SOS2: variants seen among roughly 807,000 people sequenced by gnomAD.
SOS2 encodes the protein son of sevenless homolog 2.
SOS2 carries 65 observed loss-of-function variants against 148.2 expected under a neutral mutation model. The observed-to-expected ratio is 0.44, with a 90% CI of 0.36 to 0.54. The LOEUF is 0.54. Ranked by LOEUF, SOS2 falls within the 20% of genes least tolerant of loss-of-function variation. SOS2 has a pLI of 0.00. For missense variants in SOS2, 1,341 were observed against 1,590.2 expected (o/e 0.84, Z 2.67); for synonymous variants, 539 against 537.1 (o/e 1.00, Z -0.05).
In SOS2 at chr14:50,172,419, C is replaced by CTTTTTTTTTTTTTTTTTTTTTTTTTT. The variant is rs768766517; in HGVS notation, c.1068+2034_1068+2035insAAAAAAAAAAAAAAAAAAAAAAAAAA. Reference sequence around the variant, plus strand: ...ATGGGTAGTTTCTCTTTATTCATTCCTTTTTTTTTTTTTTCTGAGATGGAG... The same window carrying CTTTTTTTTTTTTTTTTTTTTTTTTTT: ...ATGGGTAGTTTCTCTTTATTCATTCCTTTTTTTTTTTTTTTTTTTTTTTTTTTTTTTTTTTTTTTTCTGAGATGGAG... On this transcript the variant is annotated intron_variant, in intron 8 of 22. Coordinates refer to ENST00000216373, the MANE Select transcript of SOS2 (RefSeq NM_006939.4). Among the ~76,000 whole-genome samples, 29 of 82,766 alleles carry CTTTTTTTTTTTTTTTTTTTTTTTTTT rather than the reference C, an allele frequency of 3.5e-4. 5 individuals are homozygous for CTTTTTTTTTTTTTTTTTTTTTTTTTT. Among genetic ancestry groups the CTTTTTTTTTTTTTTTTTTTTTTTTTT allele is most frequent in the East Asian group, 1.3e-3 (3 of 2,224 alleles). The allele number at this position is 82,766 out of a possible 152,430, so 54.3% of individuals were successfully genotyped here.
intron 7 of SOS2, among the ~76,000 whole-genome samples, chr14:50,176,891 TC>T (rs1885538211): frequency 6.6e-6 from 1 of 152,110 alleles, no homozygotes; most frequent in Non-Finnish European, 1.5e-5. Context: ...GCGCCTGTAG[TC>T]CCAGCTACTT....
Position 50,226,996 on chromosome 14 carries a change from G to C in SOS2, c.87+4201C>G, listed in dbSNP as rs575445531. ...ATGATCTTGGGGAGCAGTGGTGAAG[G>C]CAATTATGTTCTAGGCTCTTTTAGG... On this transcript the variant is annotated intron_variant, in intron 1 of 22. Transcript: ENST00000216373. Among the ~76,000 whole-genome samples, 9 of 152,236 alleles carry C rather than the reference G, an allele frequency of 5.9e-5. No homozygotes were observed. In the South Asian group the frequency reaches 1.9e-3, roughly 32 times the overall value.
intron 1 of SOS2, among the ~76,000 whole-genome samples, chr14:50,224,897 AAG>A (rs1566488247): frequency 6.6e-6 from 1 of 150,776 alleles, no homozygotes; most frequent in Admixed American, 6.6e-5. Context: ...AAAAAAAAAA[AAG>A]AGAGAGAGAG....
At chr14:50,145,381 T>C in intron 15 of SOS2, 49 bp from the exon 16 acceptor site, 1 of 1,565,924 alleles carries the variant, frequency 6.4e-7, no homozygotes, top group South Asian at 1.2e-5. Context: ...TCACCTCACT[T>C]AGAAAACAAG....
chr14:50,150,083 T>C lies in SOS2; in HGVS notation c.2309A>G (p.Glu770Gly). The C allele has an allele frequency of 6.2e-7, 1 of 1,614,092 alleles. No individual in the cohort carries two copies. The change falls in exon 14 of 23, where the codon GAA becomes GGA. Residue 770 changes from glutamate to glycine, a missense_variant. Around this residue, in one of 4 missense-constraint regions of SOS2, gnomAD observed 408 missense variants for 506.6 expected, o/e 0.81. Coordinates refer to ENST00000216373, the MANE Select transcript of SOS2 (RefSeq NM_006939.4). ...EWHISKPGQF[E>G]TFDLMTLHPI... ...ATGAAGTGTCATGAGATCAAATGTT[T>C]CAAACTGTCCTGGTTTGCTGATATG...
chr14:50,212,637 A>G (rs1566482671), intron 1 of SOS2, among the ~76,000 whole-genome samples: 2 of 152,240 alleles, frequency 1.3e-5, no homozygotes, highest in African/African-American at 4.8e-5. Flanking sequence ...TATATGTTAC[A>G]CTTCACCATA....
intron 3 of SOS2, among the ~76,000 whole-genome samples, chr14:50,200,612 C>CA (rs11454106): frequency 0.91 from 137,981 of 151,718 alleles, 62,963 homozygotes; most frequent in African/African-American, 0.98. Flanking sequence ...TTTGGGAGGC[C>CA]AAGTAGGTGG....
Position 50,159,989 on chromosome 14 carries a change from C to T in SOS2, c.1294G>A (p.Gly432Ser). ...TTACAACACTGTCCAATATCTTTGC[C>T]TTCCCATCCATCGATATTTTTCTGA... ...EIQKNIDGWEGKDIGQCCNEF... is the reference protein window; with the variant it reads ...EIQKNIDGWESKDIGQCCNEF... The change falls in exon 10 of 23, where the codon GGC (glycine) becomes AGC (serine). Residue 432 changes from glycine (G) to serine (S), a missense_variant. Coordinates refer to ENST00000216373, the MANE Select transcript of SOS2 (RefSeq NM_006939.4). 1 of 1,614,036 alleles carries T rather than the reference C, an allele frequency of 6.2e-7. No homozygotes were observed. Among genetic ancestry groups the T allele is most frequent in the Non-Finnish European group, 8.5e-7 (1 of 1,179,944 alleles).
intron 4 of SOS2, among the ~76,000 whole-genome samples, chr14:50,195,443 A>C (rs1886283532): frequency 6.6e-6 from 1 of 152,132 alleles, no homozygotes; most frequent in African/African-American, 2.4e-5. Flanking sequence ...AAAATGCTTC[A>C]AATAAAGGAA....
intron 1 of SOS2, among the ~76,000 whole-genome samples, chr14:50,218,525 C>CAA (rs545458755): frequency 7.0e-6 from 1 of 143,822 alleles, no homozygotes. Context: ...TCCATCCCCC[C>CAA]AAAAAAAAAC....
chr14:50,215,726 A>T (rs569429975), intron 1 of SOS2, among the ~76,000 whole-genome samples: 45 of 91,872 alleles, frequency 4.9e-4, no homozygotes, highest in Admixed American at 2.6e-3. Flanking sequence ...AAAGTATAAT[A>T]AAAAAAAACA....
At chr14:50,188,414 A>G in intron 5 of SOS2, 83 bp downstream of exon 5, 2 of 958,624 alleles carry the variant, frequency 2.1e-6, no homozygotes, top group South Asian at 2.9e-5. Context: ...TCTCAAAAAA[A>G]TAAAAAAAAG....
chr14:50,231,012 C>CAAAA, intron 1 of SOS2, 185 bp downstream of exon 1: 1 of 529,576 alleles, frequency 1.9e-6, no homozygotes, highest in Non-Finnish European at 2.7e-6. Context: ...CGGGACCAGG[C>CAAAA]AAAAAAAAAA....
At chr14:50,231,124 G>A (rs1887530522) in intron 1 of SOS2, 73 bp downstream of exon 1, 3 of 945,810 alleles carry the variant, frequency 3.2e-6, no homozygotes, top group Admixed American at 3.3e-5. Context: ...CCTGTGGGAG[G>A]GACGACCTGC....
chr14:50,215,581 T>C (rs1887019634), intron 1 of SOS2: 1 of 749,624 alleles, frequency 1.3e-6, no homozygotes, highest in Non-Finnish European at 1.8e-6. Context: ...AGTTACACCA[T>C]ATTTTCAAAT....
chr14:50,180,932 T>C (rs1885714404), intron 6 of SOS2, among the ~76,000 whole-genome samples: 1 of 151,836 alleles, frequency 6.6e-6, no homozygotes, highest in Non-Finnish European at 1.5e-5. Flanking sequence ...ATGGGATATC[T>C]GCAGAACCGA....
intron 6 of SOS2, 115 bp from the exon 7 acceptor site, chr14:50,180,797 T>C (rs1312232137): frequency 2.6e-5 from 15 of 582,164 alleles, no homozygotes; most frequent in Non-Finnish European, 4.5e-5. Flanking sequence ...GAGCTATGAT[T>C]GTGCCACTAT....
intron 19 of SOS2, among the ~76,000 whole-genome samples, chr14:50,131,843 C>T (rs1264485601): frequency 1.3e-5 from 2 of 152,160 alleles, no homozygotes; most frequent in African/African-American, 4.8e-5. Context: ...GGCAGATCAT[C>T]AACATCAATT....
At position 50,231,458 on chromosome 14, in the gene SOS2, C is replaced by A; in HGVS notation, c.-175G>T. Reference sequence around the variant, plus strand: ...GGCGGGCTGGCGGAGACCCCGGGGTCGGCTTCCTCCGCCGAGGCGGCCCTC... The same window carrying A: ...GGCGGGCTGGCGGAGACCCCGGGGTAGGCTTCCTCCGCCGAGGCGGCCCTC... On this transcript the variant is annotated 5_prime_UTR_variant, in exon 1 of 23. Coordinates refer to ENST00000216373, the MANE Select transcript of SOS2 (RefSeq NM_006939.4). 6.6e-6 allele frequency: 1 copy of A among 151,238 alleles called. No individual in the cohort carries two copies. Among genetic ancestry groups the A allele is most frequent in the South Asian group, 2.1e-4 (1 of 4,878 alleles). The allele number at this position is 151,238 out of a possible 1,614,324, so 9.4% of individuals were successfully genotyped here. A position where few individuals can be genotyped will look rare whatever the true frequency, so the allele number is the denominator to read the frequency against.
Sources: allele counts gnomAD v4.1 joint callset (sites outside exome capture counted in the v4.1 genomes callset), GRCh38; gene constraint gnomAD v4.1.1; regional missense constraint gnomAD v4.1.1; transcripts MANE v1.5; gene names NCBI Gene and HGNC (gene_info 2026-07-23, HGNC 2026-07-21).